The following CHN1 variants were observed in gnomAD, a reference collection of about 807,000 sequenced individuals.
CHN1 encodes N-chimaerin.
A neutral mutation model predicts 59.5 loss-of-function variants in CHN1; 37 were observed. The observed-to-expected ratio is 0.62, with a 90% CI of 0.48 to 0.82. The LOEUF (loss-of-function observed/expected upper bound fraction) is 0.82. CHN1 is among the 40% of genes least tolerant of loss of function. The probability of loss-of-function intolerance (pLI) is 0.00; values close to 1 mark genes in which losing one functional copy is unlikely to be tolerated. For missense variants in CHN1, 469 were observed against 571.0 expected, an observed-to-expected ratio of 0.82 and a Z score of 1.82; for synonymous variants, 206 against 200.4, an observed-to-expected ratio of 1.03 and a Z score of -0.24.
intron 10 of CHN1, among the ~76,000 whole-genome samples, chr2:174,809,961 A>T: frequency 6.6e-6 from 1 of 152,178 alleles, no homozygotes; most frequent in Non-Finnish European, 1.5e-5. Flanking sequence ...TCAGCTTTCC[A>T]TTCAGTCACT....
intron 5 of CHN1, among the ~76,000 whole-genome samples, chr2:174,911,130 C>T (rs1263351594): frequency 2.0e-5 from 3 of 151,976 alleles, no homozygotes; most frequent in Non-Finnish European, 4.4e-5. Flanking sequence ...GAATAGTAAA[C>T]CAGAAAAATG....
chr2:174,932,613 T>C (rs1010993772), intron 3 of CHN1, among the ~76,000 whole-genome samples: 1 of 152,152 alleles, frequency 6.6e-6, no homozygotes, highest in African/African-American at 2.4e-5. Flanking sequence ...CCAAATGTCA[T>C]GTTGAATTGA....
At chr2:174,813,428 A>G (rs1415955654) in intron 8 of CHN1, among the ~76,000 whole-genome samples, 2 of 152,180 alleles carry the variant, frequency 1.3e-5, no homozygotes, top group African/African-American at 4.8e-5. Context: ...TCAGTCCCCA[A>G]TTTTAACACC....
intron 1 of CHN1, among the ~76,000 whole-genome samples, chr2:174,952,484 C>G (rs578050448): frequency 6.6e-6 from 1 of 152,164 alleles, no homozygotes; most frequent in Non-Finnish European, 1.5e-5. Context: ...CTTACTATCA[C>G]TGAAGTAATA....
At chr2:175,004,816 C>T (rs1692008128) in intron 1 of CHN1, 78 bp downstream of exon 1, 3 of 970,112 alleles carry the variant, frequency 3.1e-6, no homozygotes, top group Non-Finnish European at 2.6e-6. Context: ...CCCCGGGCGC[C>T]CAGGCCCCCC....
At chr2:174,868,445 C>T (rs1687298338) in intron 6 of CHN1, among the ~76,000 whole-genome samples, 2 of 152,164 alleles carry the variant, frequency 1.3e-5, no homozygotes, top group South Asian at 4.1e-4. Flanking sequence ...TGCTGAGCCC[C>T]TAATGGCTGC....
rs772160492 is a variant in CHN1, at chr2:174,877,919, T to C, written c.470A>G (p.Tyr157Cys). 16 of 1,613,924 alleles carry C rather than the reference T, an allele frequency of 9.9e-6. No homozygotes were observed. The highest frequency in any genetic ancestry group is 6.7e-5 in the East Asian group (3 of 44,886). ...GYTTLNREPA[Y>C]KKHMPVLKET... ...TTTCAGGACTGGCATATGTTTTTTG[T>C]ATGCTGGCTCTCTGTTTAAGGTTGT... The change falls in exon 6 of 13, where the codon TAC (tyrosine) becomes TGC (cysteine). Residue 157 changes from tyrosine to cysteine, a missense_variant. Around this residue, in one of 5 missense-constraint regions of CHN1, gnomAD observed 81 missense variants for 71.7 expected, o/e 1.13. Coordinates refer to ENST00000409900, the MANE Select transcript of CHN1 (RefSeq NM_001822.7).
intron 3 of CHN1, among the ~76,000 whole-genome samples, chr2:174,939,590 A>T (rs1050175152): frequency 1.3e-5 from 2 of 152,214 alleles, no homozygotes; most frequent in Non-Finnish European, 2.9e-5. Flanking sequence ...ACTAATAAAT[A>T]CTTCAGGACT....
chr2:174,868,596 T>C (rs2105462042), intron 6 of CHN1, among the ~76,000 whole-genome samples: 1 of 152,350 alleles, frequency 6.6e-6, no homozygotes, highest in Non-Finnish European at 1.5e-5. Context: ...TATAGTAACA[T>C]TCCTCAAACA....
chr2:174,901,192 C>T (rs956354349), intron 5 of CHN1, among the ~76,000 whole-genome samples: 8 of 152,276 alleles, frequency 5.3e-5, no homozygotes, highest in Non-Finnish European at 7.4e-5. Flanking sequence ...AATTCTTAAC[C>T]GGGCCTACAA....
chr2:174,994,675 C>T (rs1574254844), intron 1 of CHN1, among the ~76,000 whole-genome samples: 1 of 152,144 alleles, frequency 6.6e-6, no homozygotes, highest in African/African-American at 2.4e-5. Context: ...ATTATTCAAG[C>T]TGAGTTTTGC....
At chr2:174,861,168 G>T (rs1423949007) in intron 6 of CHN1, among the ~76,000 whole-genome samples, 1 of 152,160 alleles carries the variant, frequency 6.6e-6, no homozygotes. Flanking sequence ...TCTTAGATAA[G>T]TCTCAGTTTA....
chr2:174,942,804 C>T (rs1366332861), intron 3 of CHN1, among the ~76,000 whole-genome samples: 1 of 152,144 alleles, frequency 6.6e-6, no homozygotes, highest in Non-Finnish European at 1.5e-5. Context: ...AATCCCAACA[C>T]TTTAGGAGGC....
At chr2:174,811,720 TCTC>T (rs1384054450) in intron 9 of CHN1, 132 bp from the exon 10 acceptor site, 10 of 566,674 alleles carry the variant, frequency 1.8e-5, no homozygotes, top group Admixed American at 1.0e-4. Flanking sequence ...TTCACACTCT[TCTC>T]CTAGAATAAA....
intron 1 of CHN1, among the ~76,000 whole-genome samples, chr2:174,965,888 C>T (rs909550776): frequency 3.9e-5 from 6 of 152,176 alleles, no homozygotes; most frequent in Middle Eastern, 3.4e-3. Flanking sequence ...ACAGTAAACA[C>T]CAAACAAACA....
At chr2:174,878,863 T>G (rs1687652847) in intron 5 of CHN1, among the ~76,000 whole-genome samples, 1 of 152,232 alleles carries the variant, frequency 6.6e-6, no homozygotes, top group African/African-American at 2.4e-5. Flanking sequence ...CTCTAACAAC[T>G]GAAGAATAAT....
intron 4 of CHN1, among the ~76,000 whole-genome samples, chr2:174,918,028 C>G (rs879356034): frequency 7.9e-5 from 12 of 151,950 alleles, no homozygotes; most frequent in Non-Finnish European, 1.6e-4. Flanking sequence ...TGGTTCAAAT[C>G]CATTAGGAAA....
chr2:174,957,930 T>C (rs941969121), intron 1 of CHN1, among the ~76,000 whole-genome samples: 8 of 152,058 alleles, frequency 5.3e-5, no homozygotes, highest in Non-Finnish European at 4.4e-5. Flanking sequence ...GCTTATGCAA[T>C]AAAGCCCCAA....
At chr2:174,934,679 G>A (rs1689445908) in intron 3 of CHN1, among the ~76,000 whole-genome samples, 1 of 152,208 alleles carries the variant, frequency 6.6e-6, no homozygotes, top group Non-Finnish European at 1.5e-5. Flanking sequence ...ACTGTTACTT[G>A]GCAGAATGTG....
Sources: allele counts gnomAD v4.1 joint callset (sites outside exome capture counted in the v4.1 genomes callset), GRCh38; gene constraint gnomAD v4.1.1; regional missense constraint gnomAD v4.1.1; transcripts MANE v1.5; gene names NCBI Gene and HGNC (gene_info 2026-07-23, HGNC 2026-07-21).